GRIK2: variants seen among roughly 807,000 people sequenced by gnomAD.
GRIK2 encodes the protein glutamate receptor ionotropic, kainate 2.
Under a neutral mutation model 100.3 loss-of-function variants are expected in GRIK2, and 32 were observed. The observed-to-expected ratio is 0.32, with a 90% CI of 0.24 to 0.43. The LOEUF (loss-of-function observed/expected upper bound fraction) is 0.43, where lower values mean the gene tolerates loss of function less well. Among genes scored for constraint, GRIK2 ranks in the 20% least tolerant of loss-of-function variants. The pLI is 1.00. For missense variants in GRIK2, 843 were observed against 1,114.9 expected (o/e 0.76, Z 3.47); for synonymous variants, 417 against 389.4 (o/e 1.07, Z -0.83).
chr6:101,860,508 G>C (rs1336692439), intron 11 of GRIK2, among the ~76,000 whole-genome samples: 2 of 152,228 alleles, frequency 1.3e-5, no homozygotes, highest in South Asian at 2.1e-4. Context: ...ATGGTGTGAG[G>C]GTGGAGTTTT....
At chr6:101,471,802 G>T (rs78360024) in intron 2 of GRIK2, among the ~76,000 whole-genome samples, 4,964 of 151,938 alleles carry the variant, frequency 0.033, 126 homozygotes, top group Admixed American at 0.069. Flanking sequence ...ATGTCTGTAA[G>T]TTGGCAATAA....
chr6:101,537,905 C>T (rs1453397977), intron 2 of GRIK2, among the ~76,000 whole-genome samples: 2 of 151,704 alleles, frequency 1.3e-5, no homozygotes, highest in African/African-American at 4.8e-5. Flanking sequence ...TTTCCTAAAA[C>T]CATCTGCATA....
At chr6:101,860,700 T>C (rs1258340973) in intron 11 of GRIK2, among the ~76,000 whole-genome samples, 2 of 152,134 alleles carry the variant, frequency 1.3e-5, no homozygotes, top group African/African-American at 4.8e-5. Context: ...TTTTCAGTGG[T>C]GAAGTCTTCT....
intron 12 of GRIK2, among the ~76,000 whole-genome samples, chr6:101,909,699 TG>T (rs879595656): frequency 9.7e-4 from 144 of 148,922 alleles, no homozygotes; most frequent in Non-Finnish European, 1.8e-3. Context: ...AAAAAAATAA[TG>T]TGTGTATGTG....
intron 11 of GRIK2, among the ~76,000 whole-genome samples, chr6:101,873,246 T>TC (rs1032999546): frequency 2.3e-4 from 14 of 61,374 alleles, no homozygotes; most frequent in African/African-American, 8.5e-4. Flanking sequence ...CCCTCCCCCC[T>TC]CCCCCCACCC....
At chr6:101,710,194 A>G (rs1281460565) in intron 7 of GRIK2, among the ~76,000 whole-genome samples, 2 of 151,814 alleles carry the variant, frequency 1.3e-5, no homozygotes, top group African/African-American at 2.4e-5. Context: ...AATAGAATGC[A>G]TTGTAAATGT....
chr6:101,735,017 G>A (rs1775539791), intron 7 of GRIK2, among the ~76,000 whole-genome samples: 1 of 152,166 alleles, frequency 6.6e-6, no homozygotes, highest in African/African-American at 2.4e-5. Flanking sequence ...ATCAATAATG[G>A]TGGCCAGTGG....
chr6:102,022,668 T>A (rs1377388064), intron 14 of GRIK2, among the ~76,000 whole-genome samples: 2 of 151,302 alleles, frequency 1.3e-5, no homozygotes, highest in African/African-American at 2.4e-5. Context: ...GTATTATTGA[T>A]TTTTTTTCTG....
intron 9 of GRIK2, among the ~76,000 whole-genome samples, chr6:101,811,432 G>C (rs947668373): frequency 6.6e-6 from 1 of 151,914 alleles, no homozygotes; most frequent in African/African-American, 2.4e-5. Context: ...AATATTTTGT[G>C]AGTCAATGCC....
chr6:101,905,363 T>C (rs984690138), intron 12 of GRIK2, among the ~76,000 whole-genome samples: 1 of 151,648 alleles, frequency 6.6e-6, no homozygotes, highest in East Asian at 1.9e-4. Context: ...ATTTCATTTA[T>C]AGTTAATGGG....
intron 2 of GRIK2, among the ~76,000 whole-genome samples, chr6:101,616,101 T>A (rs972501377): frequency 1.3e-4 from 20 of 151,762 alleles, no homozygotes; most frequent in African/African-American, 4.8e-4. Flanking sequence ...CCTGGCTCCA[T>A]CACTAATGCC....
At chr6:101,581,374 T>C (rs1298312272) in intron 2 of GRIK2, among the ~76,000 whole-genome samples, 5 of 151,752 alleles carry the variant, frequency 3.3e-5, no homozygotes, top group African/African-American at 1.2e-4. Context: ...GGTCCCACAA[T>C]AGGCCGTTTG....
chr6:101,599,434 A>G (rs575567624), intron 2 of GRIK2, among the ~76,000 whole-genome samples: 1 of 151,878 alleles, frequency 6.6e-6, no homozygotes, highest in Admixed American at 6.6e-5. Flanking sequence ...ATATATACCC[A>G]GTAATAGGAT....
chr6:102,031,589 G>A (rs1162100712), intron 14 of GRIK2, among the ~76,000 whole-genome samples: 1 of 151,130 alleles, frequency 6.6e-6, no homozygotes, highest in African/African-American at 2.4e-5. Context: ...AGCATAGTCT[G>A]CAATATGTTT....
intron 2 of GRIK2, among the ~76,000 whole-genome samples, chr6:101,607,810 A>T (rs1779501316): frequency 6.6e-6 from 1 of 151,724 alleles, no homozygotes; most frequent in Admixed American, 6.6e-5. Context: ...TAATAAAATG[A>T]ATGTTACTTT....
intron 12 of GRIK2, among the ~76,000 whole-genome samples, chr6:101,904,188 C>T (rs1397684961): frequency 6.6e-6 from 1 of 151,062 alleles, no homozygotes; most frequent in Non-Finnish European, 1.5e-5. Flanking sequence ...TTATCTTCAT[C>T]GTACACATTC....
In GRIK2 at chr6:101,809,435, G is replaced by A. The variant is rs191706859; in HGVS notation, c.1203+6997G>A. ...CCTCATTAAACTTCATATGAAAAAG[G>A]TGCCTGAATGGAATTTAAATTTTCT... is the stretch of plus-strand genomic sequence containing the variant. On this transcript the variant is annotated intron_variant, in intron 9 of 16. Transcript: ENST00000369134. 3.9e-5 allele frequency among the ~76,000 whole-genome samples: 6 copies of A among 152,010 alleles called. No homozygotes were observed. In the East Asian group the frequency reaches 9.7e-4, roughly 25 times the overall value.
At chr6:101,502,622 A>T (rs1183820566) in intron 2 of GRIK2, among the ~76,000 whole-genome samples, 1 of 152,186 alleles carries the variant, frequency 6.6e-6, no homozygotes, top group African/African-American at 2.4e-5. Flanking sequence ...TATCATAATT[A>T]CTTTGAAGAA....
intron 10 of GRIK2, among the ~76,000 whole-genome samples, chr6:101,831,174 A>T (rs1010199769): frequency 1.3e-5 from 2 of 152,158 alleles, no homozygotes; most frequent in African/African-American, 4.8e-5. Flanking sequence ...TTCCTTTTAT[A>T]TGTAGAAAGT....
Sources: gnomAD v4.1 joint callset for allele counts (sites outside exome capture counted in the v4.1 genomes callset) on GRCh38, gnomAD v4.1.1 for gene constraint, MANE v1.5 for transcripts, NCBI Gene and HGNC (gene_info 2026-07-23, HGNC 2026-07-21) for gene names.